SNX2: variants seen among roughly 807,000 people sequenced by gnomAD.
SNX2 encodes sorting nexin 2.
Under a neutral mutation model 69.9 loss-of-function variants are expected in SNX2, and 25 were observed. That is an observed-to-expected ratio of 0.36 (90% CI 0.26 to 0.50). The LOEUF (loss-of-function observed/expected upper bound fraction) is 0.50. SNX2 is among the 20% of genes least tolerant of loss of function. The pLI, the probability that SNX2 is intolerant of heterozygous loss-of-function variation, is 0.97. For missense variants in SNX2, 551 were observed against 613.3 expected (o/e 0.90, Z 1.07); for synonymous variants, 229 against 200.4 (o/e 1.14, Z -1.20).
chr5:122,780,088 T>C (rs2149999637), intron 1 of SNX2, among the ~76,000 whole-genome samples: 1 of 152,368 alleles, frequency 6.6e-6, no homozygotes, highest in East Asian at 1.9e-4. Flanking sequence ...ATAATAAGTT[T>C]ATTTCACTTG....
At chr5:122,776,269 A>T (rs1191551047) in intron 1 of SNX2, among the ~76,000 whole-genome samples, 1 of 152,164 alleles carries the variant, frequency 6.6e-6, no homozygotes, top group Non-Finnish European at 1.5e-5. Flanking sequence ...GTTACCTGAA[A>T]CTGGAAACCC....
At chr5:122,800,382 C>T (rs576212535) in intron 3 of SNX2, among the ~76,000 whole-genome samples, 3 of 151,862 alleles carry the variant, frequency 2.0e-5, no homozygotes, top group Non-Finnish European at 4.4e-5. Flanking sequence ...GGAAATATGT[C>T]GTTAAAATGA....
chr5:122,792,770 A>G lies in SNX2; in HGVS notation c.109-2496A>G, dbSNP rs553304999. Reference sequence around the variant, plus strand: ...GACAAAGAATTTTTATCCAGAATATATAAGGAACTTCTGCAAATCAATAGG... The same window carrying G: ...GACAAAGAATTTTTATCCAGAATATGTAAGGAACTTCTGCAAATCAATAGG... On this transcript the variant is annotated intron_variant, in intron 1 of 14. Coordinates refer to ENST00000379516, the MANE Select transcript of SNX2 (RefSeq NM_003100.4). 2.2e-4 allele frequency among the ~76,000 whole-genome samples: 33 copies of G among 152,334 alleles called. No homozygotes were observed. The South Asian group carries it at 6.4e-3, about 30-fold the overall frequency.
Position 122,812,177 on chromosome 5 carries a change from C to T in SNX2, c.723-3719C>T, listed in dbSNP as rs542311928. On this transcript the variant is annotated intron_variant, in intron 7 of 14. Coordinates refer to ENST00000379516, the MANE Select transcript of SNX2 (RefSeq NM_003100.4). The stretch of plus-strand genomic sequence containing the variant: ...ACAGTAGTCATTCTAAAATATAAAT[C>T]AGATCATTTTAACCCCTCCCCACGC... Among the ~76,000 whole-genome samples the T allele has an allele frequency of 1.6e-4, 25 of 152,286 alleles. No individual in the cohort carries two copies. The East Asian group carries it at 2.5e-3, about 15-fold the overall frequency.
chr5:122,819,299 C>G (rs1308360325), intron 11 of SNX2, among the ~76,000 whole-genome samples: 2 of 152,168 alleles, frequency 1.3e-5, no homozygotes, highest in Non-Finnish European at 2.9e-5. Flanking sequence ...TTGGAACTAA[C>G]TAATAGCATT....
intron 1 of SNX2, among the ~76,000 whole-genome samples, chr5:122,786,252 G>GT (rs547221082): frequency 2.6e-5 from 4 of 151,632 alleles, no homozygotes; most frequent in South Asian, 2.1e-4. Context: ...TTTCAAGCAG[G>GT]TTTTTTTTAG....
At chr5:122,797,143 G>A (rs1482858767) in intron 2 of SNX2, among the ~76,000 whole-genome samples, 3 of 152,140 alleles carry the variant, frequency 2.0e-5, no homozygotes, top group Non-Finnish European at 4.4e-5. Flanking sequence ...GCCCAGGCTG[G>A]TCTTGAACTC....
chr5:122,826,564 T>G, intron 12 of SNX2: 1 of 478,286 alleles, frequency 2.1e-6, no homozygotes, highest in Non-Finnish European at 2.7e-6. Flanking sequence ...TATATATGTA[T>G]TATATATGGT....
At chr5:122,810,861 C>T (rs1753759168) in intron 7 of SNX2, among the ~76,000 whole-genome samples, 1 of 152,216 alleles carries the variant, frequency 6.6e-6, no homozygotes, top group South Asian at 2.1e-4. Context: ...AAAATATAGG[C>T]ATAAAGGTGT....
chr5:122,798,407 G>C (rs1010556084), intron 2 of SNX2, among the ~76,000 whole-genome samples: 3 of 152,128 alleles, frequency 2.0e-5, no homozygotes, highest in Non-Finnish European at 2.9e-5. Flanking sequence ...TCTATACCAA[G>C]TAAGGATCTC....
In SNX2 at chr5:122,815,968, A is replaced by G. The variant is rs1429187565; in HGVS notation, c.795A>G (p.Ser265=). ...ATTTAAGGCAGTTCTTGGAAAGTTC[A>G]GAGGTATTATTTCTATATTAAATGT... ...DPDLRQFLES[S]ELPRAVNTQA... is the part of the protein sequence containing the mutation. The change falls in exon 8 of 15, where the codon TCA becomes TCG. Residue 265 remains serine, a synonymous_variant. Transcript: ENST00000379516. The G allele has an allele frequency of 1.3e-6, 2 of 1,570,614 alleles. No homozygotes were observed. Among genetic ancestry groups the G allele is most frequent in the African/African-American group, 1.4e-5 (1 of 73,808 alleles).
chr5:122,778,082 T>A (rs994881850), intron 1 of SNX2, among the ~76,000 whole-genome samples: 1 of 152,232 alleles, frequency 6.6e-6, no homozygotes, highest in African/African-American at 2.4e-5. Flanking sequence ...TATTTGTCTT[T>A]CTGTGCCTGG....
intron 1 of SNX2, among the ~76,000 whole-genome samples, chr5:122,781,055 T>C (rs1489139313): frequency 6.6e-6 from 1 of 152,206 alleles, no homozygotes; most frequent in Non-Finnish European, 1.5e-5. Flanking sequence ...TTGACCACTT[T>C]CTCTTGAAAC....
At chr5:122,784,664 GC>G (rs1477713924) in intron 1 of SNX2, among the ~76,000 whole-genome samples, 1 of 151,756 alleles carries the variant, frequency 6.6e-6, no homozygotes, top group Admixed American at 6.6e-5. Context: ...TTTTGTTTAG[GC>G]TTTTGTGTCT....
At chr5:122,778,431 C>T (rs1214630023) in intron 1 of SNX2, among the ~76,000 whole-genome samples, 1 of 152,148 alleles carries the variant, frequency 6.6e-6, no homozygotes, top group African/African-American at 2.4e-5. Context: ...AATTACGTTC[C>T]CATCAGCAGC....
At chr5:122,811,505 T>C (rs946550378) in intron 7 of SNX2, among the ~76,000 whole-genome samples, 1 of 152,152 alleles carries the variant, frequency 6.6e-6, no homozygotes, top group Non-Finnish European at 1.5e-5. Flanking sequence ...TGTGTGACCT[T>C]AGGTAAATTA....
Position 122,775,172 on chromosome 5 carries a change from C to T in SNX2, c.69C>T (p.Asp23=), listed in dbSNP as rs1752827112. Residue 23 remains aspartate (D), a synonymous_variant, in exon 1 of 15, where the codon GAC becomes GAT. Transcript: ENST00000379516. ...CCACCGACTTTGAGGATCTGGAGGACGGAGAGGACCTGTTCACCAGCACTG... is the reference window on the plus strand; with the variant it reads ...CCACCGACTTTGAGGATCTGGAGGATGGAGAGGACCTGTTCACCAGCACTG... ...GKPTDFEDLE[D]GEDLFTSTVS... is the part of the protein sequence containing the mutation. 1.3e-6 allele frequency: 2 copies of T among 1,594,756 alleles called. No individual in the cohort carries two copies. The highest frequency in any genetic ancestry group is 1.7e-6 in the Non-Finnish European group (2 of 1,172,366).
intron 11 of SNX2, among the ~76,000 whole-genome samples, chr5:122,823,285 TTC>T (rs1331348427): frequency 3.3e-5 from 5 of 152,220 alleles, no homozygotes; most frequent in African/African-American, 1.2e-4. Flanking sequence ...CTTTTTTATT[TTC>T]TGTTATTTTG....
intron 2 of SNX2, among the ~76,000 whole-genome samples, chr5:122,797,623 A>G (rs1002380524): frequency 6.6e-6 from 1 of 152,204 alleles, no homozygotes; most frequent in Non-Finnish European, 1.5e-5. Context: ...ACTATTGTCC[A>G]GTAATGAGAA....
Sources: allele counts gnomAD v4.1 joint callset (sites outside exome capture counted in the v4.1 genomes callset), GRCh38; gene constraint gnomAD v4.1.1; transcripts MANE v1.5; gene names NCBI Gene and HGNC (gene_info 2026-07-23, HGNC 2026-07-21).